ESRRG: variants seen among roughly 807,000 people sequenced by gnomAD.
ESRRG encodes the protein estrogen-related receptor gamma.
In ESRRG, 13 loss-of-function variants were observed where a neutral mutation model predicts 44.0. The ratio of observed to expected loss-of-function variants is 0.30; its 90% CI spans 0.19 to 0.47. ESRRG has a LOEUF of 0.47. Ranked by LOEUF, ESRRG falls within the 20% of genes least tolerant of loss-of-function variation. The pLI is 1.00. For missense variants in ESRRG, 395 were observed against 580.6 expected, an observed-to-expected ratio of 0.68 and a Z score of 3.29; for synonymous variants, 215 against 214.6, an observed-to-expected ratio of 1.00 and a Z score of -0.02.
chr1:216,561,111 G>A (rs559544714), intron 5 of ESRRG, among the ~76,000 whole-genome samples: 3 of 152,004 alleles, frequency 2.0e-5, no homozygotes, highest in African/African-American at 4.8e-5. Context: ...ATTTATTAAT[G>A]TAAGTCAACT....
intron 2 of ESRRG, among the ~76,000 whole-genome samples, chr1:216,834,238 A>G (rs2148788272): frequency 6.6e-6 from 1 of 152,194 alleles, no homozygotes; most frequent in African/African-American, 2.4e-5. Context: ...CCATCTCTGC[A>G]AAAAATAAAA....
intron 1 of ESRRG, chr1:216,707,600 C>T (rs2082710461): frequency 9.7e-7 from 1 of 1,031,120 alleles, no homozygotes; most frequent in Non-Finnish European, 1.4e-6. Flanking sequence ...CTCCTTTTTA[C>T]ATTGGAGACT....
chr1:216,908,785 G>A (rs1221045657), intron 2 of ESRRG, among the ~76,000 whole-genome samples: 2 of 150,754 alleles, frequency 1.3e-5, no homozygotes, highest in Non-Finnish European at 2.9e-5. Flanking sequence ...ATGTTGTTGG[G>A]CACTCCCTAG....
chr1:216,715,253 T>C, intron 1 of ESRRG: 1 of 985,288 alleles, frequency 1.0e-6, no homozygotes, highest in Non-Finnish European at 1.2e-6. Flanking sequence ...TTCAAGTCTA[T>C]GGATAAAAGG....
At chr1:216,742,908 GA>G (rs2090934649) in intron 2 of ESRRG, among the ~76,000 whole-genome samples, 1 of 152,102 alleles carries the variant, frequency 6.6e-6, no homozygotes, top group Admixed American at 6.6e-5. Context: ...TTCAAAATAG[GA>G]GCATTCAACC....
At chr1:217,133,641 C>CTTTCTTTCTTTCTTTCTTTCTTTCTT (rs748711287) in intron 1 of ESRRG, among the ~76,000 whole-genome samples, 32 of 41,774 alleles carry the variant, frequency 7.7e-4, no homozygotes, top group East Asian at 3.3e-3. Context: ...TTCTCTCTCT[C>CTTTCTTTCTTTCTTTCTTTCTTTCTT]TCTCTCTTTC....
chr1:216,750,678 AT>A (rs1237261533), intron 2 of ESRRG, among the ~76,000 whole-genome samples: 1 of 152,118 alleles, frequency 6.6e-6, no homozygotes, highest in Non-Finnish European at 1.5e-5. Context: ...AATGTCACAA[AT>A]TAATACATTG....
intron 2 of ESRRG, among the ~76,000 whole-genome samples, chr1:216,781,433 AT>A (rs997174856): frequency 6.6e-6 from 1 of 152,054 alleles, no homozygotes; most frequent in Admixed American, 6.6e-5. Context: ...TGGCCTTCAA[AT>A]TCTTCCCATT....
At chr1:216,784,484 G>T (rs1576521936) in intron 2 of ESRRG, among the ~76,000 whole-genome samples, 1 of 151,912 alleles carries the variant, frequency 6.6e-6, no homozygotes, top group Non-Finnish European at 1.5e-5. Context: ...ATGGGTAAAA[G>T]ATACATATAA....
intron 3 of ESRRG, among the ~76,000 whole-genome samples, chr1:216,577,870 C>T (rs17042922): frequency 0.048 from 7,270 of 151,948 alleles, 285 homozygotes; most frequent in African/African-American, 0.11. Context: ...ATACGGGCAA[C>T]CTTGGAAGAG....
chr1:216,820,742 A>G (rs2095268268), intron 2 of ESRRG, among the ~76,000 whole-genome samples: 1 of 152,232 alleles, frequency 6.6e-6, no homozygotes, highest in African/African-American at 2.4e-5. Context: ...GGGTTAATAA[A>G]TTACCTGCTA....
intron 3 of ESRRG, among the ~76,000 whole-genome samples, chr1:216,597,248 C>G (rs1398133616): frequency 6.6e-6 from 1 of 152,158 alleles, no homozygotes; most frequent in Non-Finnish European, 1.5e-5. Context: ...CCAGGGCTCA[C>G]TGTCACAGTC....
chr1:216,754,080 A>G (rs888873847), intron 2 of ESRRG, among the ~76,000 whole-genome samples: 3 of 152,000 alleles, frequency 2.0e-5, no homozygotes, highest in South Asian at 2.1e-4. Context: ...TTTTCTTCCC[A>G]AAACATAAGA....
intron 2 of ESRRG, among the ~76,000 whole-genome samples, chr1:216,844,641 A>G (rs950626664): frequency 9.2e-5 from 14 of 152,070 alleles, no homozygotes; most frequent in Non-Finnish European, 1.9e-4. Flanking sequence ...TCAGATTTCT[A>G]CTCAAATATG....
At chr1:216,640,615 T>G (rs2066217479) in intron 3 of ESRRG, among the ~76,000 whole-genome samples, 1 of 152,148 alleles carries the variant, frequency 6.6e-6, no homozygotes, top group Non-Finnish European at 1.5e-5. Context: ...TCGTGCCTCA[T>G]ACCTGATATA....
intron 1 of ESRRG, among the ~76,000 whole-genome samples, chr1:217,112,994 A>C (rs1052657857): frequency 6.6e-6 from 1 of 152,244 alleles, no homozygotes; most frequent in African/African-American, 2.4e-5. Context: ...GCTTTTTATT[A>C]ATAGAATAAG....
At chr1:216,873,876 A>AGGGAG (rs747934203) in intron 2 of ESRRG, among the ~76,000 whole-genome samples, 5,395 of 91,246 alleles carry the variant, frequency 0.059, 530 homozygotes, top group Non-Finnish European at 0.074. Flanking sequence ...ACAGGAGAGA[A>AGGGAG]GGGAGGGAAG....
chr1:216,642,905 T>C (rs899664899), intron 3 of ESRRG, among the ~76,000 whole-genome samples: 1 of 152,206 alleles, frequency 6.6e-6, no homozygotes, highest in Non-Finnish European at 1.5e-5. Flanking sequence ...ACAAATCCAC[T>C]TGTAACTAAA....
chr1:216,997,087 G>T (rs182434961), intron 1 of ESRRG, among the ~76,000 whole-genome samples: 61 of 152,224 alleles, frequency 4.0e-4, no homozygotes, highest in African/African-American at 1.4e-3. Flanking sequence ...TGCCAAAAAC[G>T]TGGAGAAGAA....
Sources: gnomAD v4.1 joint callset for allele counts (sites outside exome capture counted in the v4.1 genomes callset) on GRCh38, gnomAD v4.1.1 for gene constraint, MANE v1.5 for transcripts, NCBI Gene and HGNC (gene_info 2026-07-23, HGNC 2026-07-21) for gene names.